The following RIC8B variants were observed in gnomAD, a reference collection of about 807,000 sequenced individuals.
RIC8B encodes the protein chaperone Ric-8B.
RIC8B carries 16 observed loss-of-function variants against 57.5 expected under a neutral mutation model. The observed-to-expected ratio is 0.28, with a 90% CI of 0.19 to 0.42. The LOEUF is 0.42. Among genes scored for constraint, RIC8B ranks in the 10% least tolerant of loss-of-function variants. RIC8B has a pLI of 1.00. For synonymous variants in RIC8B, 216 were observed against 250.8 expected, an observed-to-expected ratio of 0.86 and a Z score of 1.31; for missense variants, 481 against 677.0, an observed-to-expected ratio of 0.71 and a Z score of 3.21.
chr12:106,847,313 T>G (rs1246713411), intron 6 of RIC8B, among the ~76,000 whole-genome samples: 1 of 152,192 alleles, frequency 6.6e-6, no homozygotes, highest in African/African-American at 2.4e-5. Context: ...TAAAAATTTG[T>G]TTTAAGGAAC....
At chr12:106,870,184 T>C (rs1950340489) in intron 8 of RIC8B, among the ~76,000 whole-genome samples, 1 of 152,156 alleles carries the variant, frequency 6.6e-6, no homozygotes, top group Non-Finnish European at 1.5e-5. Flanking sequence ...CTGTATTAAA[T>C]CTATTTCCAG....
chr12:106,843,831 A>T, intron 5 of RIC8B, 21 bp from the exon 6 acceptor site: 2 of 1,520,786 alleles, frequency 1.3e-6, no homozygotes, highest in East Asian at 2.3e-5. Context: ...TTTCAAAAAC[A>T]TATGGTTTTT....
Position 106,815,015 on chromosome 12 carries a change from G to T in RIC8B, c.452G>T (p.Cys151Phe). The T allele has an allele frequency of 1.9e-6, 3 of 1,614,210 alleles. No individual in the cohort carries two copies. The highest frequency in any genetic ancestry group is 2.5e-6 in the Non-Finnish European group (3 of 1,180,034). ...AAKLCNLLRK[C>F]KDRKFINDIK... is the part of the protein sequence containing the mutation. ...AAGCTCTGTAACCTCCTGAGAAAGT[G>T]CAAGGACCGGAAATTTATCAATGAC... Residue 151 changes from cysteine (C) to phenylalanine (F), a missense_variant, in exon 3 of 10, where the codon TGC becomes TTC. Transcript: ENST00000392837.
intron 9 of RIC8B, among the ~76,000 whole-genome samples, chr12:106,872,684 A>AC (rs1395451158): frequency 6.6e-6 from 1 of 151,762 alleles, no homozygotes; most frequent in Non-Finnish European, 1.5e-5. Flanking sequence ...AAAAAAAAAA[A>AC]AACAAACCCG....
chr12:106,784,375 A>T (rs1198901851), intron 2 of RIC8B, among the ~76,000 whole-genome samples: 1 of 152,118 alleles, frequency 6.6e-6, no homozygotes, highest in African/African-American at 2.4e-5. Flanking sequence ...TCCATTGCTA[A>T]TATTACAAAA....
intron 6 of RIC8B, among the ~76,000 whole-genome samples, chr12:106,851,024 A>G (rs1346828973): frequency 1.3e-5 from 2 of 152,176 alleles, no homozygotes; most frequent in East Asian, 3.9e-4. Flanking sequence ...GGTATACTCA[A>G]CCTATACTGA....
rs926336897 is a variant in RIC8B at position 106,888,994 on chromosome 12, A to G, written c.*2979A>G. The stretch of plus-strand genomic sequence containing the variant: ...TACAAGTGACTCTAAACACCCCCTT[A>G]GTGCCACATCAGTCTCGCCACCTCC... On this transcript the variant is annotated 3_prime_UTR_variant, in exon 10 of 10. Coordinates refer to ENST00000392837, the MANE Select transcript of RIC8B (RefSeq NM_001330145.2). 1.3e-5 allele frequency: 2 copies of G among 152,172 alleles called. 1 individual carries two copies. The highest frequency in any genetic ancestry group is 4.8e-5 in the African/African-American group (2 of 41,442). 9.4% of individuals were successfully genotyped at this position (152,172 alleles called of 1,614,324 possible).
chr12:106,786,925 G>C (rs2044056404), intron 2 of RIC8B, among the ~76,000 whole-genome samples: 4 of 152,168 alleles, frequency 2.6e-5, no homozygotes, highest in Admixed American at 2.6e-4. Flanking sequence ...GATTCATGGT[G>C]CCTTAGAAAT....
chr12:106,814,576 T>C, intron 2 of RIC8B, 120 bp from the exon 3 acceptor site: 1 of 1,077,978 alleles, frequency 9.3e-7, no homozygotes, highest in Non-Finnish European at 1.3e-6. Flanking sequence ...ATTTAAAAAA[T>C]AATAAAAACC....
chr12:106,800,683 G>A (rs10507214), intron 2 of RIC8B, among the ~76,000 whole-genome samples: 57,901 of 151,992 alleles, frequency 0.38, 11,211 homozygotes, highest in African/African-American at 0.44. Flanking sequence ...TCTTTCATAC[G>A]TGCTTGGGCT....
intron 8 of RIC8B, among the ~76,000 whole-genome samples, chr12:106,861,115 A>T (rs888726098): frequency 6.6e-6 from 1 of 151,890 alleles, no homozygotes; most frequent in African/African-American, 2.4e-5. Context: ...CCCTCAACCC[A>T]TGTAAATTCT....
chr12:106,814,332 TCTGAAACATGGGACTG>T (rs1442275825), intron 2 of RIC8B, among the ~76,000 whole-genome samples: 1 of 152,232 alleles, frequency 6.6e-6, no homozygotes, highest in Non-Finnish European at 1.5e-5. Context: ...TTCAAGGGTT[TCTGAAACATGGGACTG>T]CTGCTAAAGA....
chr12:106,826,709 C>T lies in RIC8B; in HGVS notation c.836+889C>T, dbSNP rs181706528. ...GGTGGAGGTTGCAGTGAGCCAAGGTCGCACCGTTGCACTCCTGCCTAGGCA... is the reference window on the plus strand; with the variant it reads ...GGTGGAGGTTGCAGTGAGCCAAGGTTGCACCGTTGCACTCCTGCCTAGGCA... On this transcript the variant is annotated intron_variant, in intron 4 of 9. Coordinates refer to ENST00000392837, the MANE Select transcript of RIC8B (RefSeq NM_001330145.2). 4.8e-3 allele frequency among the ~76,000 whole-genome samples: 725 copies of T among 152,208 alleles called. 5 individuals carry two copies. The highest frequency in any genetic ancestry group is 0.017 in the African/African-American group (688 of 41,508).
chr12:106,785,677 T>G (rs1208935672), intron 2 of RIC8B, among the ~76,000 whole-genome samples: 1 of 152,090 alleles, frequency 6.6e-6, no homozygotes, highest in Non-Finnish European at 1.5e-5. Flanking sequence ...GATTCTCAAC[T>G]AGGGATATGC....
intron 1 of RIC8B, among the ~76,000 whole-genome samples, chr12:106,780,003 C>T (rs1306126771): frequency 1.3e-5 from 2 of 151,614 alleles, no homozygotes; most frequent in African/African-American, 4.9e-5. Context: ...GGCACAGTGC[C>T]CAGCCCTCAG....
intron 9 of RIC8B, among the ~76,000 whole-genome samples, chr12:106,881,925 C>T (rs1950954604): frequency 6.6e-6 from 1 of 152,118 alleles, no homozygotes; most frequent in Admixed American, 6.5e-5. Flanking sequence ...TCCTTTAAAC[C>T]AACTTCAAAT....
intron 2 of RIC8B, among the ~76,000 whole-genome samples, chr12:106,807,410 GT>G (rs1315049050): frequency 6.6e-6 from 1 of 152,156 alleles, no homozygotes; most frequent in African/African-American, 2.4e-5. Flanking sequence ...CTTTCAAGTC[GT>G]CAAGTCATGC....
intron 2 of RIC8B, among the ~76,000 whole-genome samples, chr12:106,805,139 G>A (rs1039440143): frequency 5.3e-5 from 8 of 152,130 alleles, no homozygotes; most frequent in Non-Finnish European, 1.0e-4. Context: ...TCTACTATGG[G>A]ACAGTTAAAG....
In RIC8B at chr12:106,879,898, G is replaced by A; in HGVS notation, c.1572-6006G>A. 1.0e-6 allele frequency: 1 copy of A among 985,390 alleles called. No individual in the cohort carries two copies. Among genetic ancestry groups the A allele is most frequent in the Non-Finnish European group, 1.2e-6 (1 of 829,920 alleles). 61.0% of individuals were successfully genotyped at this position (985,390 alleles called of 1,614,324 possible). A position where few individuals can be genotyped will look rare whatever the true frequency, so the allele number is the denominator to read the frequency against. On this transcript the variant is annotated intron_variant, in intron 9 of 9. Coordinates refer to ENST00000392837, the MANE Select transcript of RIC8B (RefSeq NM_001330145.2). The surrounding 1 kb of genome is among the most constrained non-coding windows in gnomAD (Gnocchi z 4.9). ...TCCAGTAGACACCACTGTACTTTTT[G>A]ATACGAGGGCAGTCTTAACTTGTGT...
Sources: gnomAD v4.1 joint callset for allele counts (sites outside exome capture counted in the v4.1 genomes callset) on GRCh38, gnomAD v4.1.1 for gene constraint, Gnocchi (gnomAD v3.1) non-coding constraint, MANE v1.5 for transcripts, NCBI Gene and HGNC (gene_info 2026-07-23, HGNC 2026-07-21) for gene names.